Variants in PRRC2B observed in about 807,000 individuals in gnomAD.
PRRC2B encodes the protein proline rich coiled-coil 2B, also known as protein PRRC2B.
Under a neutral mutation model 242.3 loss-of-function variants are expected in PRRC2B, and 68 were observed. That is an observed-to-expected ratio of 0.28 (90% CI 0.23 to 0.34). The LOEUF (loss-of-function observed/expected upper bound fraction) is 0.34. PRRC2B is among the 10% of genes least tolerant of loss of function. PRRC2B has a pLI of 1.00. For missense variants in PRRC2B, 2,835 were observed against 2,954.8 expected (o/e 0.96, Z 0.94); for synonymous variants, 1,228 against 1,173.6 (o/e 1.05, Z -0.95).
chr9:131,488,159 C>G, intron 28 of PRRC2B, 63 bp downstream of exon 28: 1 of 1,535,420 alleles, frequency 6.5e-7, no homozygotes. Flanking sequence ...CTTGCCTTTT[C>G]TTTTCACCCG....
chr9:131,414,573 C>CTT (rs112718348), intron 1 of PRRC2B, among the ~76,000 whole-genome samples: 4 of 138,210 alleles, frequency 2.9e-5, no homozygotes, highest in Non-Finnish European at 4.8e-5. Flanking sequence ...CCATCTTGGG[C>CTT]TTTTTTTTTT....
At position 131,487,874 on chromosome 9, in the gene PRRC2B, C is replaced by T; in HGVS notation, c.6003C>T (p.His2001=). ...TTTGCAGATCTCAGGTGTACATGCA[C>T]CCCAGCCTGTCACCGCCCAGCACCA... is the stretch of plus-strand genomic sequence containing the variant. ...LQPFRSQVYM[H]PSLSPPSTMI... The change falls in exon 28 of 32, where the codon CAC becomes CAT. Residue 2001 remains histidine, a synonymous_variant. Coordinates refer to ENST00000683519, the MANE Select transcript of PRRC2B (RefSeq NM_013318.4). This position sits in a 1 kb window ranked among gnomAD's most constrained non-coding sequence, Gnocchi z 5.3. The T allele has an allele frequency of 1.2e-6, 2 of 1,611,900 alleles. No homozygotes were observed. Among genetic ancestry groups the T allele is most frequent in the Non-Finnish European group, 1.7e-6 (2 of 1,178,274 alleles).
intron 30 of PRRC2B, among the ~76,000 whole-genome samples, chr9:131,493,264 T>C (rs1944245543): frequency 6.6e-6 from 1 of 152,302 alleles, no homozygotes; most frequent in Non-Finnish European, 1.5e-5. Context: ...TCTGTTCTTA[T>C]TTTCACTCTC....
At chr9:131,459,494 G>C (rs761221932) in intron 11 of PRRC2B, 138 bp downstream of exon 11, 72 of 806,728 alleles carry the variant, frequency 8.9e-5, no homozygotes, top group Non-Finnish European at 1.2e-4. Flanking sequence ...CATAGAGACA[G>C]GGTCTCACTA....
At chr9:131,464,076 G>A (rs1943322234) in intron 11 of PRRC2B, among the ~76,000 whole-genome samples, 1 of 151,900 alleles carries the variant, frequency 6.6e-6, no homozygotes, top group African/African-American at 2.4e-5. Flanking sequence ...CAAGTAGCTG[G>A]GACTACAGGT....
intron 30 of PRRC2B, among the ~76,000 whole-genome samples, chr9:131,493,911 A>G (rs1409175213): frequency 6.6e-6 from 1 of 152,158 alleles, no homozygotes; most frequent in African/African-American, 2.4e-5. Context: ...ATCCCTGGGA[A>G]CTAACTAGTG....
Position 131,487,148 on chromosome 9 carries a change from C to A in PRRC2B, c.5857-19C>A. 1.2e-6 allele frequency: 2 copies of A among 1,612,394 alleles called. No individual in the cohort carries two copies. Among genetic ancestry groups the A allele is most frequent in the Non-Finnish European group, 1.7e-6 (2 of 1,179,362 alleles). ...TGGGCCTTGCGGTTACCTCCCCGACCCCGTTTTCCCGTTCACAGGCCGCCG... is the reference window on the plus strand; with the variant it reads ...TGGGCCTTGCGGTTACCTCCCCGACACCGTTTTCCCGTTCACAGGCCGCCG... On this transcript the variant is annotated intron_variant, in intron 26 of 31. Transcript: ENST00000683519. The surrounding 1 kb of genome is among the most constrained non-coding windows in gnomAD (Gnocchi z 5.3).
chr9:131,459,107 G>T, intron 10 of PRRC2B, 57 bp from the exon 11 acceptor site: 2 of 1,531,132 alleles, frequency 1.3e-6, no homozygotes, highest in Non-Finnish European at 9.0e-7. Flanking sequence ...TGACCAGTGA[G>T]ATCAGAAATG....
Position 131,495,799 on chromosome 9 carries a change from C to T in PRRC2B, c.6615C>T (p.Pro2205=), listed in dbSNP as rs763499308. The part of the protein sequence containing the change: ...SLGAVKLQEA[P]SAASQMKRTG... ...GAGCCGTGAAGCTGCAGGAGGCCCCCTCGGCTGCCTCCCAGATGAAGCGAA... is the reference window on the plus strand; with the variant it reads ...GAGCCGTGAAGCTGCAGGAGGCCCCTTCGGCTGCCTCCCAGATGAAGCGAA... Residue 2205 remains proline, a synonymous_variant, in exon 32 of 32, where the codon CCC becomes CCT. Transcript: ENST00000683519. 1.9e-6 allele frequency: 3 copies of T among 1,613,064 alleles called. No individual in the cohort carries two copies. The highest frequency in any genetic ancestry group is 2.5e-6 in the Non-Finnish European group (3 of 1,179,106).
chr9:131,394,578 C>T (rs1836989206), intron 1 of PRRC2B, among the ~76,000 whole-genome samples: 1 of 150,738 alleles, frequency 6.6e-6, no homozygotes. Context: ...TCGCCCGCCA[C>T]CCCCGTACCC....
At position 131,394,272 on chromosome 9, in the gene PRRC2B, G is replaced by T. The variant is rs1451581557; in HGVS notation, c.-52+9G>T. The T allele has an allele frequency of 1.4e-5, 2 of 147,280 alleles. No individual in the cohort carries two copies. The highest frequency in any genetic ancestry group is 3.0e-5 in the Non-Finnish European group (2 of 65,876). The allele number at this position is 147,280 out of a possible 1,614,324, so 9.1% of individuals were successfully genotyped here. On this transcript the variant is annotated intron_variant, in intron 1 of 31. Transcript: ENST00000683519. ...CCGCGGAACCAGACCAGGTGGGTCGGGGCCGGGGCCGGGGCCGGGGCGTGG... is the reference window on the plus strand; with the variant it reads ...CCGCGGAACCAGACCAGGTGGGTCGTGGCCGGGGCCGGGGCCGGGGCGTGG...
rs753569081 is a variant in PRRC2B at position 131,478,583 on chromosome 9, G to C, written c.4722G>C (p.Leu1574=). 1.9e-5 allele frequency: 31 copies of C among 1,611,960 alleles called. No homozygotes were observed. Among genetic ancestry groups the C allele is most frequent in the Admixed American group, 5.0e-5 (3 of 59,918 alleles). ...TGACCAAGAAGCAGCGCCGCCTGCTGGAGGAAGAGAGAAGAAAGAAGGAGC... is the reference window on the plus strand; with the variant it reads ...TGACCAAGAAGCAGCGCCGCCTGCTCGAGGAAGAGAGAAGAAAGAAGGAGC... ...EVLTKKQRRL[L]EEERRKKEQA... The change falls in exon 18 of 32, where the codon CTG becomes CTC. Residue 1574 remains leucine (L), a synonymous_variant. Coordinates refer to ENST00000683519, the MANE Select transcript of PRRC2B (RefSeq NM_013318.4).
chr9:131,404,308 C>T (rs1199414219), intron 1 of PRRC2B, among the ~76,000 whole-genome samples: 1 of 151,582 alleles, frequency 6.6e-6, no homozygotes. Flanking sequence ...CAACCTCCGC[C>T]TCCTGGGTTC....
Position 131,470,794 on chromosome 9 carries a change from C to A in PRRC2B, c.1918C>A (p.Leu640Met). Residue 640 changes from leucine (L) to methionine (M), a missense_variant, in exon 14 of 32, where the codon CTG (leucine) becomes ATG (methionine). Around this residue, in one of 7 missense-constraint regions of PRRC2B, gnomAD observed 1,536 missense variants for 1,483.1 expected, o/e 1.04. Coordinates refer to ENST00000683519, the MANE Select transcript of PRRC2B (RefSeq NM_013318.4). Reference protein sequence around the residue: ...RQQQQQQQEQLYKMQHWQPVY... With the variant: ...RQQQQQQQEQMYKMQHWQPVY... ...TCTCTCTCTCTGTGGGCAGGAGCAG[C>A]TGTACAAGATGCAGCACTGGCAGCC... 1 of 1,611,946 alleles carries A rather than the reference C, an allele frequency of 6.2e-7. No individual in the cohort carries two copies.
chr9:131,454,332 C>G (rs1192942000), intron 9 of PRRC2B, among the ~76,000 whole-genome samples: 2 of 152,242 alleles, frequency 1.3e-5, no homozygotes, highest in Non-Finnish European at 2.9e-5. Flanking sequence ...CAAGTGGTAA[C>G]TCACAAATCT....
chr9:131,413,498 G>C (rs1837558650), intron 1 of PRRC2B, among the ~76,000 whole-genome samples: 1 of 152,164 alleles, frequency 6.6e-6, no homozygotes, highest in South Asian at 2.1e-4. Context: ...CAGCGTCAGG[G>C]AACAAGCATT....
Position 131,482,891 on chromosome 9 carries a change from T to A in PRRC2B, c.5357T>A (p.Phe1786Tyr). The A allele has an allele frequency of 6.2e-7, 1 of 1,607,044 alleles. No individual in the cohort carries two copies. The highest frequency in any genetic ancestry group is 8.5e-7 in the Non-Finnish European group (1 of 1,176,612). Residue 1786 changes from phenylalanine to tyrosine, a missense_variant, in exon 22 of 32, where the codon TTT (phenylalanine) becomes TAT (tyrosine). By Grantham distance (22) the Phe-to-Tyr change is conservative (BLOSUM62 3). Coordinates refer to ENST00000683519, the MANE Select transcript of PRRC2B (RefSeq NM_013318.4). The surrounding 1 kb of genome is among the most constrained non-coding windows in gnomAD (Gnocchi z 5.2). ...GTGCTGCCTGTGCCACCCATTGAAT[T>A]TGGAGTCAGTCCAAAAGTGAGGCTT... ...DSVLPVPPIE[F>Y]GVSPKDSDFS...
intron 28 of PRRC2B, chr9:131,490,930 A>G: frequency 3.4e-6 from 1 of 290,748 alleles, no homozygotes. Context: ...TCTGGTGTGC[A>G]CCCACAGATC....
In PRRC2B at chr9:131,440,128, A is replaced by G. The variant is rs1237806883; in HGVS notation, c.469+1067A>G. Among the ~76,000 whole-genome samples, 16 of 152,150 alleles carry G rather than the reference A, an allele frequency of 1.1e-4. No homozygotes were observed. The South Asian group carries it at 3.1e-3, about 30-fold the overall frequency. On this transcript the variant is annotated intron_variant, in intron 5 of 31. Coordinates refer to ENST00000683519, the MANE Select transcript of PRRC2B (RefSeq NM_013318.4). ...CACTATGTTGCTCAGGCTGGTCTCC[A>G]ACTCCTGGGCTCAAATGATCCTCCT... is the stretch of plus-strand genomic sequence containing the variant.
Sources: gnomAD v4.1 joint callset for allele counts (sites outside exome capture counted in the v4.1 genomes callset) on GRCh38, gnomAD v4.1.1 for gene constraint, gnomAD v4.1.1 regional missense constraint, Gnocchi (gnomAD v3.1) non-coding constraint, MANE v1.5 for transcripts, NCBI Gene and HGNC (gene_info 2026-07-23, HGNC 2026-07-21) for gene names.